PTPRD: variants seen among roughly 807,000 people sequenced by gnomAD.
PTPRD encodes the protein protein tyrosine phosphatase receptor type D.
A neutral mutation model predicts 214.5 loss-of-function variants in PTPRD; 34 were observed. That is an observed-to-expected ratio of 0.16 (90% CI 0.12 to 0.21). The LOEUF is 0.21. Among genes scored for constraint, PTPRD ranks in the 10% least tolerant of loss-of-function variants. The probability of loss-of-function intolerance (pLI) is 1.00; values close to 1 mark genes in which losing one functional copy is unlikely to be tolerated. For missense variants in PTPRD, 2,545 were observed against 2,398.7 expected, an observed-to-expected ratio of 1.06 and a Z score of -1.27; for synonymous variants, 1,128 against 845.7, an observed-to-expected ratio of 1.33 and a Z score of -5.79.
intron 2 of PTPRD, among the ~76,000 whole-genome samples, chr9:10,445,410 A>T (rs2098791790): frequency 1.3e-5 from 2 of 151,990 alleles, no homozygotes; most frequent in Non-Finnish European, 2.9e-5. Flanking sequence ...CTGCAATAGG[A>T]GCAATGAAGT....
intron 7 of PTPRD, among the ~76,000 whole-genome samples, chr9:9,653,467 TA>T (rs1255701609): frequency 3.4e-5 from 5 of 145,712 alleles, no homozygotes; most frequent in Admixed American, 7.0e-5. Flanking sequence ...AAAATGAATA[TA>T]TTTTTTTCAA....
intron 3 of PTPRD, among the ~76,000 whole-genome samples, chr9:10,057,841 CAAAAAAAAACA>C (rs1433297718): frequency 2.0e-4 from 14 of 70,234 alleles, no homozygotes; most frequent in Admixed American, 6.6e-4. Context: ...GACTCCGTCT[CAAAAAAAAACA>C]AAAAAAAAAC....
At chr9:10,080,246 A>T (rs887681100) in intron 3 of PTPRD, among the ~76,000 whole-genome samples, 14 of 152,302 alleles carry the variant, frequency 9.2e-5, no homozygotes, top group African/African-American at 3.4e-4. Flanking sequence ...AAAACAGTTC[A>T]CACTAAAGGA....
At chr9:8,923,226 G>C (rs2098840322) in intron 11 of PTPRD, among the ~76,000 whole-genome samples, 2 of 151,604 alleles carry the variant, frequency 1.3e-5, no homozygotes, top group South Asian at 2.1e-4. Flanking sequence ...ATTTTTAGTA[G>C]AGACAGGGTT....
chr9:9,686,360 T>C (rs559791537), intron 7 of PTPRD, among the ~76,000 whole-genome samples: 1 of 151,576 alleles, frequency 6.6e-6, no homozygotes, highest in East Asian at 1.9e-4. Context: ...ATCATTTCAA[T>C]TACGCACTTC....
At chr9:9,782,975 A>G (rs1295930004) in intron 5 of PTPRD, among the ~76,000 whole-genome samples, 1 of 152,196 alleles carries the variant, frequency 6.6e-6, no homozygotes, top group Non-Finnish European at 1.5e-5. Flanking sequence ...CAAATTATGA[A>G]GTCATATAAT....
At chr9:8,436,541 A>G (rs781508646) in intron 35 of PTPRD, 51 bp downstream of exon 35, 1 of 1,398,890 alleles carries the variant, frequency 7.1e-7, no homozygotes, top group South Asian at 1.2e-5. Context: ...GGTCAAAAAA[A>G]GAGAAGAGTA....
intron 5 of PTPRD, among the ~76,000 whole-genome samples, chr9:9,839,258 A>C (rs1445709306): frequency 6.6e-6 from 1 of 152,146 alleles, no homozygotes; most frequent in Non-Finnish European, 1.5e-5. Flanking sequence ...GAGGAAGTCA[A>C]ATTGTCCCTG....
intron 3 of PTPRD, among the ~76,000 whole-genome samples, chr9:10,155,576 CT>C (rs2099087734): frequency 6.6e-6 from 1 of 152,082 alleles, no homozygotes; most frequent in Non-Finnish European, 1.5e-5. Context: ...ACAACGTTGG[CT>C]GTGTGTTTGT....
chr9:9,381,522 G>A (rs1482872986), intron 9 of PTPRD, among the ~76,000 whole-genome samples: 2 of 151,322 alleles, frequency 1.3e-5, no homozygotes, highest in African/African-American at 4.9e-5. Flanking sequence ...CACCATACCC[G>A]GCTAATTTTT....
chr9:10,407,653 T>G (rs1306313563), intron 2 of PTPRD, among the ~76,000 whole-genome samples: 1 of 151,544 alleles, frequency 6.6e-6, no homozygotes, highest in Non-Finnish European at 1.5e-5. Context: ...TTAGTGAACT[T>G]AGTTTACTGA....
chr9:10,556,577 C>T (rs1242647048), intron 2 of PTPRD, among the ~76,000 whole-genome samples: 1 of 151,998 alleles, frequency 6.6e-6, no homozygotes, highest in East Asian at 1.9e-4. Context: ...ATAATTGTTA[C>T]TTTTCCTGTT....
Position 8,472,765 on chromosome 9 carries a change from T to C in PTPRD, c.3414-1680A>G, listed in dbSNP as rs193296622. 2.6e-5 allele frequency among the ~76,000 whole-genome samples: 4 copies of C among 152,326 alleles called. No homozygotes were observed. In the East Asian group the frequency reaches 5.8e-4, roughly 22 times the overall value. On this transcript the variant is annotated intron_variant, in intron 30 of 45. Transcript: ENST00000381196. ...CTTTTTATTTTTTCACTGTTGCTAC[T>C]AGAAAACTTAAAATGTCACATGTGA... is the stretch of plus-strand genomic sequence containing the variant.
At chr9:10,319,467 A>G (rs2096510485) in intron 3 of PTPRD, among the ~76,000 whole-genome samples, 1 of 152,078 alleles carries the variant, frequency 6.6e-6, no homozygotes, top group African/African-American at 2.4e-5. Flanking sequence ...TCATTTTACA[A>G]GCTCAATTAC....
intron 5 of PTPRD, among the ~76,000 whole-genome samples, chr9:9,845,736 G>C (rs1296806389): frequency 6.6e-6 from 1 of 152,038 alleles, no homozygotes. Flanking sequence ...AATCATATGA[G>C]AGAAAATCTA....
chr9:10,324,241 T>C (rs1391793620), intron 3 of PTPRD, among the ~76,000 whole-genome samples: 1 of 152,046 alleles, frequency 6.6e-6, no homozygotes, highest in Non-Finnish European at 1.5e-5. Context: ...ATTCCAATTA[T>C]TAGATGCTTT....
At chr9:8,460,634 C>A (rs2134168733) in intron 32 of PTPRD, 63 bp from the exon 33 acceptor site, 1 of 1,519,544 alleles carries the variant, frequency 6.6e-7, no homozygotes, top group Non-Finnish European at 8.9e-7. Flanking sequence ...GTACCTTTAA[C>A]ATTAGAAGAA....
chr9:9,751,113 C>T (rs897995869), intron 6 of PTPRD, among the ~76,000 whole-genome samples: 4 of 152,078 alleles, frequency 2.6e-5, no homozygotes, highest in Non-Finnish European at 5.9e-5. Context: ...CTTATCCACA[C>T]AATAAAACAA....
At chr9:9,045,110 A>T (rs2099668043) in intron 10 of PTPRD, among the ~76,000 whole-genome samples, 1 of 152,198 alleles carries the variant, frequency 6.6e-6, no homozygotes, top group South Asian at 2.1e-4. Flanking sequence ...GTGTTCTGTT[A>T]TGGTTCAAAT....
Sources: allele counts gnomAD v4.1 joint callset (sites outside exome capture counted in the v4.1 genomes callset), GRCh38; gene constraint gnomAD v4.1.1; transcripts MANE v1.5; gene names NCBI Gene and HGNC (gene_info 2026-07-23, HGNC 2026-07-21).